Variants in RANBP17 observed in about 807,000 individuals in gnomAD.
RANBP17 encodes ran-binding protein 17.
Under a neutral mutation model 141.2 loss-of-function variants are expected in RANBP17, and 158 were observed. The ratio of observed to expected loss-of-function variants is 1.12; its 90% CI spans 0.98 to 1.28. The LOEUF is 1.28. Ranked by LOEUF, RANBP17 falls within the 50% of genes most tolerant of loss-of-function variation. RANBP17 has a pLI of 0.00. For synonymous variants in RANBP17, 430 were observed against 450.0 expected (o/e 0.96, Z 0.56); for missense variants, 1,438 against 1,290.7 (o/e 1.11, Z -1.75).
At chr5:171,115,102 A>G (rs1755519725) in intron 14 of RANBP17, among the ~76,000 whole-genome samples, 1 of 152,052 alleles carries the variant, frequency 6.6e-6, no homozygotes, top group South Asian at 2.1e-4. Context: ...CCCTGTCTCT[A>G]AAACAAAAAA....
At chr5:170,862,429 G>A (rs949094185) in intron 1 of RANBP17, among the ~76,000 whole-genome samples, 11 of 152,206 alleles carry the variant, frequency 7.2e-5, no homozygotes, top group Non-Finnish European at 1.6e-4. Flanking sequence ...CGCCTCGCGC[G>A]GCTGCCGAGC....
At chr5:171,170,486 T>C (rs538240563) in intron 15 of RANBP17, among the ~76,000 whole-genome samples, 3 of 151,086 alleles carry the variant, frequency 2.0e-5, no homozygotes, top group African/African-American at 4.9e-5. Context: ...TTCAGATCAA[T>C]TGGGCAGCAT....
intron 14 of RANBP17, among the ~76,000 whole-genome samples, chr5:171,165,631 C>T (rs923660920): frequency 5.3e-5 from 8 of 152,070 alleles, no homozygotes; most frequent in South Asian, 4.1e-4. Flanking sequence ...AAGTTTATCA[C>T]GACAGTGTTC....
At chr5:171,292,611 C>T (rs1360265929) in intron 25 of RANBP17, among the ~76,000 whole-genome samples, 6 of 152,162 alleles carry the variant, frequency 3.9e-5, no homozygotes, top group African/African-American at 1.4e-4. Context: ...ACGTAATTGC[C>T]GTTTCCCCTG....
chr5:170,945,770 A>G (rs1774696469), intron 12 of RANBP17, among the ~76,000 whole-genome samples: 1 of 152,172 alleles, frequency 6.6e-6, no homozygotes, highest in African/African-American at 2.4e-5. Context: ...CTTATTTTAA[A>G]TTCAGCTATA....
At chr5:170,931,122 A>G (rs1345770606) in intron 12 of RANBP17, among the ~76,000 whole-genome samples, 1 of 152,172 alleles carries the variant, frequency 6.6e-6, no homozygotes, top group Admixed American at 6.5e-5. Flanking sequence ...GTGATATGGT[A>G]TCTCATTGTG....
intron 24 of RANBP17, among the ~76,000 whole-genome samples, chr5:171,257,235 G>A (rs1168022872): frequency 2.0e-5 from 3 of 152,224 alleles, no homozygotes; most frequent in Non-Finnish European, 4.4e-5. Flanking sequence ...ATTTATCCCA[G>A]GAATGCAGCG....
rs923222915 is a variant in RANBP17, at chr5:171,117,829, T to G, written c.1711-52301T>G. ...TTTCTAATTGGATTATATGTGGGGT[T>G]TTGTTGTTGTTGTTGTTGTTGTTGT... On this transcript the variant is annotated intron_variant, in intron 14 of 27. Transcript: ENST00000523189. Among the ~76,000 whole-genome samples, 564 of 147,564 alleles carry G rather than the reference T, an allele frequency of 3.8e-3. 3 individuals carry two copies. The highest frequency in any genetic ancestry group is 0.014 in the African/African-American group (543 of 40,220).
chr5:171,014,368 T>G (rs1296067219), intron 14 of RANBP17, among the ~76,000 whole-genome samples: 4 of 152,010 alleles, frequency 2.6e-5, no homozygotes, highest in Non-Finnish European at 5.9e-5. Flanking sequence ...TTTTCCCTTT[T>G]TATCTGTTTT....
At chr5:171,204,339 AGT>A (rs1439891894) in intron 19 of RANBP17, among the ~76,000 whole-genome samples, 1 of 152,206 alleles carries the variant, frequency 6.6e-6, no homozygotes, top group African/African-American at 2.4e-5. Context: ...TACTTCTGAG[AGT>A]TAAACTATTA....
At chr5:171,241,204 T>C in intron 23 of RANBP17, 62 bp downstream of exon 23, 1 of 1,250,334 alleles carries the variant, frequency 8.0e-7, no homozygotes, top group East Asian at 2.3e-5. Context: ...ACCACAGGCC[T>C]GGAAGTGTTA....
At chr5:171,059,560 A>C (rs1783663620) in intron 14 of RANBP17, among the ~76,000 whole-genome samples, 1 of 152,086 alleles carries the variant, frequency 6.6e-6, no homozygotes, top group Admixed American at 6.5e-5. Flanking sequence ...TGTTTTGGTT[A>C]CTGTAGCCTT....
intron 2 of RANBP17, among the ~76,000 whole-genome samples, chr5:170,879,781 A>G (rs924273511): frequency 1.3e-5 from 2 of 152,154 alleles, no homozygotes; most frequent in African/African-American, 4.8e-5. Context: ...CTGATAAGCT[A>G]TTAAACTATT....
At chr5:171,074,917 G>C (rs1388904567) in intron 14 of RANBP17, among the ~76,000 whole-genome samples, 4 of 152,150 alleles carry the variant, frequency 2.6e-5, no homozygotes, top group Non-Finnish European at 2.9e-5. Flanking sequence ...TGCTTTAGAT[G>C]CTGGGAGCTT....
intron 14 of RANBP17, among the ~76,000 whole-genome samples, chr5:171,016,901 TTG>T (rs1301484682): frequency 2.3e-5 from 2 of 85,444 alleles, no homozygotes; most frequent in Non-Finnish European, 4.7e-5. Context: ...TTCCCTCCCC[TTG>T]CCCCCCCACC....
At chr5:170,862,100 C>A in intron 1 of RANBP17, 49 bp downstream of exon 1, 1 of 1,427,608 alleles carries the variant, frequency 7.0e-7, no homozygotes, top group Non-Finnish European at 9.1e-7. Flanking sequence ...GCTGGGAACC[C>A]GGCGGGACGC....
intron 14 of RANBP17, among the ~76,000 whole-genome samples, chr5:170,973,454 C>G (rs1777132215): frequency 6.6e-6 from 1 of 152,000 alleles, no homozygotes; most frequent in Non-Finnish European, 1.5e-5. Context: ...TAACTTCTAC[C>G]TATATTAAAA....
At chr5:170,881,231 A>G (rs1334490157) in intron 2 of RANBP17, among the ~76,000 whole-genome samples, 1 of 152,208 alleles carries the variant, frequency 6.6e-6, no homozygotes, top group Non-Finnish European at 1.5e-5. Flanking sequence ...TAGAGAAAAA[A>G]AGAGGGAGTA....
At chr5:170,970,839 CCT>C (rs1266632103) in intron 14 of RANBP17, among the ~76,000 whole-genome samples, 1 of 151,926 alleles carries the variant, frequency 6.6e-6, no homozygotes, top group Non-Finnish European at 1.5e-5. Flanking sequence ...CCATTTGTTC[CCT>C]GTTTTAATAT....
Sources: gnomAD v4.1 joint callset for allele counts (sites outside exome capture counted in the v4.1 genomes callset) on GRCh38, gnomAD v4.1.1 for gene constraint, MANE v1.5 for transcripts, NCBI Gene and HGNC (gene_info 2026-07-23, HGNC 2026-07-21) for gene names.